Variants in NIBAN1 observed in about 807,000 individuals in gnomAD.
The protein encoded by NIBAN1 is niban apoptosis regulator 1.
A neutral mutation model predicts 75.1 loss-of-function variants in NIBAN1; 81 were observed. The ratio of observed to expected loss-of-function variants is 1.08; its 90% CI spans 0.90 to 1.30. NIBAN1 has a LOEUF of 1.30. NIBAN1 is among the 50% of genes most tolerant of loss of function. The pLI is 0.00. For synonymous variants in NIBAN1, 436 were observed against 424.8 expected (o/e 1.03, Z -0.32); for missense variants, 1,133 against 1,128.1 (o/e 1.00, Z -0.06).
intron 1 of NIBAN1, among the ~76,000 whole-genome samples, chr1:184,936,022 A>AG (rs1491244806): frequency 2.2e-5 from 2 of 91,398 alleles, no homozygotes; most frequent in African/African-American, 7.6e-5. Flanking sequence ...GTGATAGATG[A>AG]AAAAAAAAAA....
At position 184,894,138 on chromosome 1, in the gene NIBAN1, C is replaced by T; in HGVS notation, c.255G>A (p.Lys85=). 2 of 1,612,992 alleles carry T rather than the reference C, an allele frequency of 1.2e-6. No homozygotes were observed. Among genetic ancestry groups the T allele is most frequent in the South Asian group, 1.1e-5 (1 of 90,856 alleles). ...ELSQFSEDIK[K]WKERYVVVKN... Reference sequence around the variant, plus strand: ...TAACTACAACGTATCTCTCCTTCCACTTCTTTATGTCTTCAGAAAATTGTG... The same window carrying T: ...TAACTACAACGTATCTCTCCTTCCATTTCTTTATGTCTTCAGAAAATTGTG... Residue 85 remains lysine, a synonymous_variant, in exon 3 of 14, where the codon AAG becomes AAA. Transcript: ENST00000367511.
intron 1 of NIBAN1, among the ~76,000 whole-genome samples, chr1:184,947,241 C>T (rs563533736): frequency 4.6e-5 from 7 of 152,136 alleles, no homozygotes; most frequent in Admixed American, 6.5e-5. Flanking sequence ...TGATAGAAAG[C>T]GATGCTATGA....
chr1:184,933,811 A>G (rs182700549), intron 1 of NIBAN1, among the ~76,000 whole-genome samples: 1 of 152,370 alleles, frequency 6.6e-6, no homozygotes, highest in Admixed American at 6.5e-5. Context: ...AACACTCGCT[A>G]TAGAAATGCC....
At chr1:184,939,734 G>A (rs1658043937) in intron 1 of NIBAN1, among the ~76,000 whole-genome samples, 1 of 152,094 alleles carries the variant, frequency 6.6e-6, no homozygotes, top group African/African-American at 2.4e-5. Context: ...TACAGAACTG[G>A]CTAGGATTAC....
chr1:184,862,016 A>C (rs145154919), intron 5 of NIBAN1, among the ~76,000 whole-genome samples: 8 of 152,200 alleles, frequency 5.3e-5, no homozygotes, highest in Non-Finnish European at 1.2e-4. Context: ...CCACAGGTTC[A>C]AGGGCACTCA....
chr1:184,913,866 G>A (rs770893903), intron 1 of NIBAN1, among the ~76,000 whole-genome samples: 2 of 152,204 alleles, frequency 1.3e-5, no homozygotes, highest in Non-Finnish European at 2.9e-5. Context: ...TAGGTAAGAA[G>A]TGGATTGCAG....
At chr1:184,820,329 G>C (rs115117223) in intron 8 of NIBAN1, among the ~76,000 whole-genome samples, 1 of 152,200 alleles carries the variant, frequency 6.6e-6, no homozygotes, top group African/African-American at 2.4e-5. Context: ...CAGGAGGGCC[G>C]TGGGAGGGTA....
chr1:184,806,484 G>A (rs1654201434), intron 10 of NIBAN1, among the ~76,000 whole-genome samples: 1 of 152,136 alleles, frequency 6.6e-6, no homozygotes, highest in African/African-American at 2.4e-5. Flanking sequence ...GGGATGGGTG[G>A]GGACAGTGGC....
At chr1:184,895,903 T>C (rs908734672) in intron 2 of NIBAN1, among the ~76,000 whole-genome samples, 36 of 152,230 alleles carry the variant, frequency 2.4e-4, no homozygotes, top group Non-Finnish European at 5.0e-4. Flanking sequence ...TGTTCTTTTT[T>C]ATGACTGTGT....
At position 184,791,927 on chromosome 1, in the gene NIBAN1, A is replaced by G. The variant is rs945723040; in HGVS notation, c.*3050T>C. 7.3e-5 allele frequency: 11 copies of G among 151,660 alleles called. No individual in the cohort carries two copies. Among genetic ancestry groups the G allele is most frequent in the African/African-American group, 2.4e-4 (10 of 41,236 alleles). 9.4% of individuals were successfully genotyped at this position (151,660 alleles called of 1,614,324 possible). A position where few individuals can be genotyped will look rare whatever the true frequency, so the allele number is the denominator to read the frequency against. On this transcript the variant is annotated 3_prime_UTR_variant, in exon 14 of 14. Transcript: ENST00000367511. ...ACTCTAGTTTCCTGTTCCATCTTCA[A>G]ATTAAACAATCATCCTGCTTATTCT... is the stretch of plus-strand genomic sequence containing the variant.
At chr1:184,856,350 C>G (rs994105558) in intron 5 of NIBAN1, among the ~76,000 whole-genome samples, 1 of 151,962 alleles carries the variant, frequency 6.6e-6, no homozygotes, top group African/African-American at 2.4e-5. Context: ...TATTTTTGAT[C>G]GGTATTTTCT....
intron 6 of NIBAN1, among the ~76,000 whole-genome samples, chr1:184,828,442 AT>A (rs1301833994): frequency 2.0e-5 from 3 of 152,234 alleles, no homozygotes; most frequent in Non-Finnish European, 4.4e-5. Context: ...AAACTCAGTT[AT>A]GCTATGCCAT....
chr1:184,886,740 G>A (rs1456105585), intron 4 of NIBAN1, among the ~76,000 whole-genome samples: 6 of 152,204 alleles, frequency 3.9e-5, no homozygotes, highest in African/African-American at 1.2e-4. Flanking sequence ...GAAAGGTAAG[G>A]AAGAAGGTCT....
intron 1 of NIBAN1, among the ~76,000 whole-genome samples, chr1:184,958,586 G>T (rs191851956): frequency 2.6e-5 from 4 of 152,292 alleles, no homozygotes; most frequent in Admixed American, 2.6e-4. Context: ...ATTTCTGGAA[G>T]AGCATTTGAT....
chr1:184,803,527 CT>C, intron 12 of NIBAN1, 57 bp downstream of exon 12: 1 of 1,381,320 alleles, frequency 7.2e-7, no homozygotes, highest in South Asian at 1.2e-5. Flanking sequence ...CACAAAAGAA[CT>C]TGTTTGAACT....
intron 5 of NIBAN1, among the ~76,000 whole-genome samples, chr1:184,845,406 T>C (rs185995845): frequency 6.6e-6 from 1 of 152,346 alleles, no homozygotes; most frequent in Non-Finnish European, 1.5e-5. Context: ...TTTCCACAAA[T>C]TAAAATAACA....
intron 9 of NIBAN1, among the ~76,000 whole-genome samples, chr1:184,810,372 G>A (rs564940481): frequency 8.5e-5 from 13 of 152,288 alleles, no homozygotes; most frequent in Admixed American, 2.6e-4. Flanking sequence ...GGTGGGGCCC[G>A]AGAATTTGCA....
chr1:184,862,194 G>A lies in NIBAN1; in HGVS notation c.601+22439C>T, dbSNP rs1655835963. ...TTGTTTATCTCCGAATGCTCCCCCT[G>A]CCCGGTTAACAGCAGCCACTGTCCC... On this transcript the variant is annotated intron_variant, in intron 5 of 13. Transcript: ENST00000367511. 4.6e-5 allele frequency among the ~76,000 whole-genome samples: 7 copies of A among 152,188 alleles called. 1 individual carries two copies. In the Middle Eastern group the frequency reaches 0.014, roughly 296 times the overall value.
At chr1:184,939,011 C>T (rs1658027128) in intron 1 of NIBAN1, among the ~76,000 whole-genome samples, 1 of 152,170 alleles carries the variant, frequency 6.6e-6, no homozygotes, top group Non-Finnish European at 1.5e-5. Context: ...AAATTGATTA[C>T]CATTCCATCT....
Sources: allele counts gnomAD v4.1 joint callset (sites outside exome capture counted in the v4.1 genomes callset), GRCh38; gene constraint gnomAD v4.1.1; transcripts MANE v1.5; gene names NCBI Gene and HGNC (gene_info 2026-07-23, HGNC 2026-07-21).